Variants in ZNF236 observed in about 807,000 individuals in gnomAD.
The protein encoded by ZNF236 is regulated by glucose.
ZNF236 carries 50 observed loss-of-function variants against 191.2 expected under a neutral mutation model. That is an observed-to-expected ratio of 0.26 (90% confidence interval 0.21 to 0.33). ZNF236 has a LOEUF of 0.33. Ranked by LOEUF, ZNF236 falls within the 10% of genes least tolerant of loss-of-function variation. The pLI, the probability that ZNF236 is intolerant of heterozygous loss-of-function variation, is 1.00. For missense variants in ZNF236, 1,754 were observed against 2,374.5 expected, an observed-to-expected ratio of 0.74 and a Z score of 5.43; for synonymous variants, 907 against 928.8, an observed-to-expected ratio of 0.98 and a Z score of 0.43.
At chr18:76,899,740 C>T (rs1977535438) in intron 11 of ZNF236, among the ~76,000 whole-genome samples, 1 of 152,150 alleles carries the variant, frequency 6.6e-6, no homozygotes, top group African/African-American at 2.4e-5. Context: ...GAAAACACTG[C>T]TTGTTAGAAT....
intron 25 of ZNF236, among the ~76,000 whole-genome samples, chr18:76,936,535 A>T (rs1808606557): frequency 6.6e-6 from 1 of 152,248 alleles, no homozygotes; most frequent in Non-Finnish European, 1.5e-5. Flanking sequence ...GAAGAAAATT[A>T]AGATGTCATG....
intron 3 of ZNF236, among the ~76,000 whole-genome samples, chr18:76,867,863 C>CTT (rs956565227): frequency 6.6e-6 from 1 of 152,122 alleles, no homozygotes; most frequent in Non-Finnish European, 1.5e-5. Flanking sequence ...AAACTAGCAG[C>CTT]TTAGCTAGTG....
intron 3 of ZNF236, among the ~76,000 whole-genome samples, chr18:76,864,658 A>G (rs776703094): frequency 2.0e-4 from 30 of 150,714 alleles, no homozygotes; most frequent in Non-Finnish European, 4.0e-4. Context: ...TTGATGGTCG[A>G]AGCAGAAATT....
rs1032551163 is a variant in ZNF236, at chr18:76,970,298, A to G, written c.*1959A>G. 2 of 152,734 alleles carry G rather than the reference A, an allele frequency of 1.3e-5. No homozygotes were observed. Among genetic ancestry groups the G allele is most frequent in the Non-Finnish European group, 2.9e-5 (2 of 68,022 alleles). 9.5% of individuals were successfully genotyped at this position (152,734 alleles called of 1,614,324 possible). ...TTGTTTAATTCCTAATTGTATAGAAAGCTAGTTTGGTGAATTGTATTGGTT... is the reference window on the plus strand; with the variant it reads ...TTGTTTAATTCCTAATTGTATAGAAGGCTAGTTTGGTGAATTGTATTGGTT... On this transcript the variant is annotated 3_prime_UTR_variant, in exon 31 of 31. Coordinates refer to ENST00000320610, the MANE Select transcript of ZNF236 (RefSeq NM_001306089.2).
At chr18:76,849,893 A>T (rs929818471) in intron 2 of ZNF236, among the ~76,000 whole-genome samples, 2 of 152,200 alleles carry the variant, frequency 1.3e-5, no homozygotes, top group African/African-American at 4.8e-5. Context: ...TTGTATATTG[A>T]AGTTACTTAT....
intron 9 of ZNF236, chr18:76,886,702 G>C (rs569150264): frequency 6.5e-6 from 1 of 154,886 alleles, no homozygotes; most frequent in African/African-American, 2.4e-5. Context: ...GACAAACATG[G>C]CTTCATCGTT....
chr18:76,910,274 A>G (rs1170776440), intron 15 of ZNF236, 105 bp downstream of exon 15: 3 of 974,176 alleles, frequency 3.1e-6, no homozygotes, highest in Non-Finnish European at 4.5e-6. Flanking sequence ...TCTAAAGTGT[A>G]TGGTTTCAAA....
intron 1 of ZNF236, chr18:76,849,204 G>T: frequency 1.4e-5 from 3 of 218,066 alleles, no homozygotes; most frequent in South Asian, 1.0e-4. Flanking sequence ...AGGTTCACAT[G>T]GTTTAAGAAG....
At chr18:76,913,601 G>A in intron 17 of ZNF236, 146 bp from the exon 18 acceptor site, 1 of 752,962 alleles carries the variant, frequency 1.3e-6, no homozygotes, top group Non-Finnish European at 2.1e-6. Context: ...CAATGTTGGA[G>A]AGCACACCTA....
chr18:76,827,293 C>A (rs578105030), intron 1 of ZNF236, among the ~76,000 whole-genome samples: 12 of 152,288 alleles, frequency 7.9e-5, no homozygotes, highest in African/African-American at 1.7e-4. Context: ...TCAAGTGATT[C>A]TCCTGCCTCA....
intron 3 of ZNF236, among the ~76,000 whole-genome samples, chr18:76,865,068 G>A (rs1976367744): frequency 6.6e-6 from 1 of 152,208 alleles, no homozygotes; most frequent in African/African-American, 2.4e-5. Flanking sequence ...TGGGCACGGT[G>A]GCTCACGCCT....
rs771080834 is a variant in ZNF236 at position 76,936,209 on chromosome 18, C to T, written c.4595-947C>T. 1.4e-4 allele frequency: 62 copies of T among 439,592 alleles called. 1 individual carries two copies. Among genetic ancestry groups the T allele is most frequent in the Middle Eastern group, 3.4e-4 (1 of 2,978 alleles). The allele number at this position is 439,592 out of a possible 1,614,324, so 27.2% of individuals were successfully genotyped here. ...ATAGCTTTTTGAACTTTCCTTTGGT[C>T]GTCATCTTGGCATCCTTAGCAACTG... On this transcript the variant is annotated intron_variant, in intron 25 of 30. Coordinates refer to ENST00000320610, the MANE Select transcript of ZNF236 (RefSeq NM_001306089.2).
chr18:76,956,276 G>C (rs1027828312), intron 28 of ZNF236, 94 bp downstream of exon 28: 16 of 1,458,686 alleles, frequency 1.1e-5, no homozygotes, highest in Non-Finnish European at 1.5e-5. Context: ...TCTGGCATGT[G>C]TTTTTGAGGA....
rs1288255569 is a variant in ZNF236, at chr18:76,899,135, C to T, written c.1807C>T (p.Arg603Cys). Residue 603 changes from arginine to cysteine, a missense_variant, in exon 11 of 31, where the codon CGT becomes TGT. Physicochemically the swap from Arg to Cys is radical, Grantham distance 180 (BLOSUM62 -3). This residue lies in a region of ZNF236 where 641 missense variants were observed against 869.6 expected (regional missense o/e 0.74). Transcript: ENST00000320610. ...GGAATTAAGGAAAATGAGGCACCAG[C>T]GTAAACCTGCAAAGGTCCGTGTTGG... ...HTELRKMRHQ[R>C]KPAKVRVGKT... 8.7e-6 allele frequency: 14 copies of T among 1,614,020 alleles called. No individual in the cohort carries two copies. Among genetic ancestry groups the T allele is most frequent in the African/African-American group, 1.3e-5 (1 of 74,934 alleles).
chr18:76,958,347 C>A (rs925689566), intron 28 of ZNF236, among the ~76,000 whole-genome samples: 1 of 152,136 alleles, frequency 6.6e-6, no homozygotes, highest in African/African-American at 2.4e-5. Context: ...TGCAGCTCGT[C>A]GGTATTTCTT....
At chr18:76,939,936 A>G (rs59321687) in intron 26 of ZNF236, among the ~76,000 whole-genome samples, 1 of 137,322 alleles carries the variant, frequency 7.3e-6, no homozygotes, top group African/African-American at 2.8e-5. Context: ...CGACCCTAGC[A>G]CTGCATTTGG....
intron 21 of ZNF236, among the ~76,000 whole-genome samples, chr18:76,924,338 A>G (rs1967618384): frequency 6.6e-6 from 1 of 152,212 alleles, no homozygotes; most frequent in Non-Finnish European, 1.5e-5. Flanking sequence ...TTTGGAGTTC[A>G]GCGTAGGCCA....
At chr18:76,910,880 T>C in intron 16 of ZNF236, 69 bp downstream of exon 16, 2 of 1,549,634 alleles carry the variant, frequency 1.3e-6, no homozygotes, top group East Asian at 2.3e-5. Flanking sequence ...TCACTGTCAT[T>C]ATTAAAAATT....
intron 26 of ZNF236, among the ~76,000 whole-genome samples, chr18:76,943,482 CAAG>C (rs1381932403): frequency 1.3e-5 from 2 of 152,086 alleles, no homozygotes; most frequent in African/African-American, 4.8e-5. Flanking sequence ...ATTCTGAATA[CAAG>C]AAGAAGCAAT....
Sources: gnomAD v4.1 joint callset for allele counts (sites outside exome capture counted in the v4.1 genomes callset) on GRCh38, gnomAD v4.1.1 for gene constraint, gnomAD v4.1.1 regional missense constraint, MANE v1.5 for transcripts, NCBI Gene and HGNC (gene_info 2026-07-23, HGNC 2026-07-21) for gene names.